TTLL1: variants seen among roughly 807,000 people sequenced by gnomAD.
TTLL1 encodes TTL family tubulin polyglutamylase complex subunit L1.
Under a neutral mutation model 47.8 loss-of-function variants are expected in TTLL1, and 33 were observed. That is an observed-to-expected ratio of 0.69 (90% CI 0.52 to 0.92). TTLL1 has a LOEUF of 0.92. Among genes scored for constraint, TTLL1 ranks in the 40% least tolerant of loss-of-function variants. TTLL1 has a pLI of 0.00. For synonymous variants in TTLL1, 225 were observed against 214.1 expected (o/e 1.05, Z -0.45); for missense variants, 488 against 547.5 (o/e 0.89, Z 1.08).
intron 8 of TTLL1, among the ~76,000 whole-genome samples, chr22:43,055,918 CCT>C (rs949068608): frequency 1.3e-5 from 2 of 150,834 alleles, no homozygotes; most frequent in African/African-American, 4.9e-5. Flanking sequence ...TTTTTTTTTC[CCT>C]TTTTGTGGAG....
chr22:43,052,929 G>A (rs1211673555), intron 8 of TTLL1, among the ~76,000 whole-genome samples: 2 of 151,642 alleles, frequency 1.3e-5, no homozygotes, highest in African/African-American at 2.4e-5. Context: ...CCGTGGTGGC[G>A]CGTGCCTGTA....
At chr22:43,076,682 T>C (rs1014181574) in intron 2 of TTLL1, among the ~76,000 whole-genome samples, 1 of 140,866 alleles carries the variant, frequency 7.1e-6, no homozygotes, top group Non-Finnish European at 1.5e-5. Context: ...ACCTGGGAGG[T>C]GGAGGTTGCA....
chr22:43,073,736 G>T (rs1341415832), intron 3 of TTLL1, among the ~76,000 whole-genome samples: 1 of 150,474 alleles, frequency 6.6e-6, no homozygotes, highest in Non-Finnish European at 1.5e-5. Flanking sequence ...ACATTTAGTT[G>T]TTTCCAGTAT....
intron 8 of TTLL1, chr22:43,052,477 T>A (rs187670326): frequency 6.4e-6 from 1 of 157,466 alleles, no homozygotes; most frequent in South Asian, 1.9e-4. Context: ...CAGTGGCTCA[T>A]GCCTGTAATC....
At chr22:43,044,799 CCCTTT>C (rs1925974482) in intron 10 of TTLL1, among the ~76,000 whole-genome samples, 1 of 152,090 alleles carries the variant, frequency 6.6e-6, no homozygotes, top group Non-Finnish European at 1.5e-5. Flanking sequence ...ACGTTATACA[CCCTTT>C]TCTGCAGTGA....
Position 43,066,620 on chromosome 22 carries a change from G to A in TTLL1, c.503+1790C>T, listed in dbSNP as rs188187927. Among the ~76,000 whole-genome samples the A allele has an allele frequency of 3.4e-3, 514 of 151,984 alleles. 1 individual carries two copies. The highest frequency in any genetic ancestry group is 0.012 in the African/African-American group (502 of 41,432). ...ACCTATAGTCTCAGCTACTCAGGAGGCTGAGGTGGGAGGATCGCTTGGGCC... is the reference window on the plus strand; with the variant it reads ...ACCTATAGTCTCAGCTACTCAGGAGACTGAGGTGGGAGGATCGCTTGGGCC... On this transcript the variant is annotated intron_variant, in intron 5 of 10. Coordinates refer to ENST00000266254, the MANE Select transcript of TTLL1 (RefSeq NM_012263.5).
intron 10 of TTLL1, among the ~76,000 whole-genome samples, chr22:43,046,038 T>A (rs1926102409): frequency 6.6e-6 from 1 of 152,050 alleles, no homozygotes; most frequent in African/African-American, 2.4e-5. Flanking sequence ...CTGGCCAACG[T>A]GGTGAAACCC....
Position 43,068,472 on chromosome 22 carries a change from G to C in TTLL1, c.441C>G (p.Gly147=). ...GTGAGAGCTTGTTGATAAGGAAGAT[G>C]CCCTTTCCCTGGGCCTTGCCACAAG... The part of the protein sequence containing the change: ...MKPCGKAQGK[G]IFLINKLSQI... The change falls in exon 5 of 11, where the codon GGC becomes GGG. Residue 147 remains glycine, a synonymous_variant. Coordinates refer to ENST00000266254, the MANE Select transcript of TTLL1 (RefSeq NM_012263.5). 1 of 1,573,288 alleles carries C rather than the reference G, an allele frequency of 6.4e-7. No individual in the cohort carries two copies.
intron 8 of TTLL1, among the ~76,000 whole-genome samples, chr22:43,054,669 C>A (rs1926876308): frequency 6.6e-6 from 1 of 151,640 alleles, no homozygotes; most frequent in Non-Finnish European, 1.5e-5. Context: ...GGTGATCCAC[C>A]CACCTCGCCC....
At chr22:43,040,590 T>G (rs1925593500) in intron 10 of TTLL1, among the ~76,000 whole-genome samples, 1 of 152,132 alleles carries the variant, frequency 6.6e-6, no homozygotes, top group African/African-American at 2.4e-5. Flanking sequence ...GGATCATAGG[T>G]GCCCACCACC....
chr22:43,072,202 G>A (rs1283310002), intron 3 of TTLL1, among the ~76,000 whole-genome samples: 1 of 144,786 alleles, frequency 6.9e-6, no homozygotes, highest in Non-Finnish European at 1.5e-5. Context: ...CGCCCAGGCT[G>A]GAGTGTAGTG....
intron 8 of TTLL1, among the ~76,000 whole-genome samples, chr22:43,058,664 C>T (rs565870508): frequency 2.6e-5 from 4 of 151,998 alleles, no homozygotes; most frequent in South Asian, 2.1e-4. Flanking sequence ...GATGTGCAGG[C>T]GGCAAGAAAG....
At chr22:43,070,115 A>G in intron 3 of TTLL1, 1 of 1,381,692 alleles carries the variant, frequency 7.2e-7, no homozygotes, top group Admixed American at 2.0e-5. Flanking sequence ...ATAGATGTTT[A>G]TTGATTAGTG....
Position 43,059,539 on chromosome 22 carries a change from A to G in TTLL1, c.748-12T>C. 6.2e-7 allele frequency: 1 copy of G among 1,609,634 alleles called. No individual in the cohort carries two copies. The highest frequency in any genetic ancestry group is 1.3e-5 in the African/African-American group (1 of 74,934). On this transcript the variant is annotated splice_polypyrimidine_tract_variant and intron_variant, in intron 7 of 10. Transcript: ENST00000266254. ...TGGTTGTAGTCCTCCTGGTGACGGG[A>G]AAGCGGGCAGGCATCCCTCAGGCTA...
At chr22:43,045,940 G>A (rs552280009) in intron 10 of TTLL1, among the ~76,000 whole-genome samples, 1 of 152,244 alleles carries the variant, frequency 6.6e-6, no homozygotes, top group East Asian at 1.9e-4. Context: ...GCTTTTCTGG[G>A]CTGGGTGCAG....
chr22:43,088,324 CTTTTTTTT>C (rs1167618669), intron 1 of TTLL1, among the ~76,000 whole-genome samples: 1,227 of 56,432 alleles, frequency 0.022, 25 homozygotes, highest in African/African-American at 0.085. Flanking sequence ...AAGGGCCCAT[CTTTTTTTT>C]TTTTTTTTTT....
At chr22:43,051,908 G>T in intron 8 of TTLL1, 21 bp from the exon 9 acceptor site, 1 of 1,610,844 alleles carries the variant, frequency 6.2e-7, no homozygotes. Flanking sequence ...AGTGACCAGT[G>T]GGTGACATGG....
intron 2 of TTLL1, among the ~76,000 whole-genome samples, chr22:43,079,265 C>T (rs1476813475): frequency 7.0e-6 from 1 of 143,208 alleles, no homozygotes; most frequent in East Asian, 2.1e-4. Context: ...GCCAAGGGAG[C>T]CGCACCCCAG....
At chr22:43,059,334 A>G in intron 8 of TTLL1, 50 bp downstream of exon 8, 1 of 1,569,858 alleles carries the variant, frequency 6.4e-7, no homozygotes, top group Non-Finnish European at 8.6e-7. Context: ...AAGCCCCCCC[A>G]CTCCCAAACG....
Sources: allele counts gnomAD v4.1 joint callset (sites outside exome capture counted in the v4.1 genomes callset), GRCh38; gene constraint gnomAD v4.1.1; transcripts MANE v1.5; gene names NCBI Gene and HGNC (gene_info 2026-07-23, HGNC 2026-07-21).